Variants in GRIN2A observed in about 807,000 individuals in gnomAD.
GRIN2A encodes the protein glutamate ionotropic receptor NMDA type subunit 2A.
GRIN2A carries 22 observed loss-of-function variants against 113.4 expected under a neutral mutation model. That is an observed-to-expected ratio of 0.19 (90% CI 0.14 to 0.28). GRIN2A has a LOEUF of 0.28. Among genes scored for constraint, GRIN2A ranks in the 10% least tolerant of loss-of-function variants. The pLI, the probability that GRIN2A is intolerant of heterozygous loss-of-function variation, is 1.00. For missense variants in GRIN2A, 1,502 were observed against 1,887.0 expected, an observed-to-expected ratio of 0.80 and a Z score of 3.78; for synonymous variants, 827 against 738.4, an observed-to-expected ratio of 1.12 and a Z score of -1.94.
At chr16:9,892,000 A>AG (rs1238282681) in intron 3 of GRIN2A, among the ~76,000 whole-genome samples, 5 of 152,130 alleles carry the variant, frequency 3.3e-5, no homozygotes, top group African/African-American at 1.2e-4. Flanking sequence ...AGGCTGAGGT[A>AG]GGGGAATCAC....
chr16:9,977,453 A>G (rs1000424796), intron 2 of GRIN2A, among the ~76,000 whole-genome samples: 3 of 152,218 alleles, frequency 2.0e-5, no homozygotes, highest in Non-Finnish European at 2.9e-5. Flanking sequence ...AAATGAGATA[A>G]TTATAATTAA....
At chr16:9,863,089 G>C (rs1385944662) in intron 4 of GRIN2A, among the ~76,000 whole-genome samples, 1 of 152,132 alleles carries the variant, frequency 6.6e-6, no homozygotes, top group Non-Finnish European at 1.5e-5. Flanking sequence ...AGAAGACCTG[G>C]AATCTGAGCT....
chr16:10,135,158 G>A (rs1237914418), intron 2 of GRIN2A, among the ~76,000 whole-genome samples: 1 of 152,138 alleles, frequency 6.6e-6, no homozygotes, highest in Non-Finnish European at 1.5e-5. Context: ...ACTTTACCAA[G>A]TTCATTGCTT....
In GRIN2A at chr16:9,891,073, G is replaced by A; in HGVS notation, c.1035C>T (p.Gly345=). Residue 345 remains glycine, a synonymous_variant, in exon 4 of 13, where the codon GGC becomes GGT. Transcript: ENST00000330684. The part of the protein sequence containing the change: ...HPFMVNVTWD[G]KDLSFTEEGY... ...CTTCCTCAGTGAAGGATAAGTCTTT[G>A]CCATCCCATGTAACATTGACCATAA... 1 of 1,611,406 alleles carries A rather than the reference G, an allele frequency of 6.2e-7. No homozygotes were observed. Among genetic ancestry groups the A allele is most frequent in the South Asian group, 1.1e-5 (1 of 91,020 alleles).
At chr16:10,029,445 C>T (rs1276229158) in intron 2 of GRIN2A, among the ~76,000 whole-genome samples, 5 of 152,226 alleles carry the variant, frequency 3.3e-5, no homozygotes, top group South Asian at 2.1e-4. Flanking sequence ...CCTCCCGCCT[C>T]GGCCTCCCGA....
intron 10 of GRIN2A, among the ~76,000 whole-genome samples, chr16:9,807,916 C>T (rs761434129): frequency 3.3e-5 from 5 of 152,186 alleles, no homozygotes; most frequent in South Asian, 2.1e-4. Flanking sequence ...TGAATGAAGT[C>T]CCAGCCATGA....
chr16:9,758,671 T>G lies in GRIN2A; in HGVS notation c.*4478A>C. Reference sequence around the variant, plus strand: ...AGTTGTATTCACAGGATAAGTGCATTTGATCATCTCTGATCTATATCAAGT... The same window carrying G: ...AGTTGTATTCACAGGATAAGTGCATGTGATCATCTCTGATCTATATCAAGT... On this transcript the variant is annotated 3_prime_UTR_variant, in exon 13 of 13. Transcript: ENST00000330684. 4.6e-6 allele frequency: 1 copy of G among 215,296 alleles called. No homozygotes were observed. Among genetic ancestry groups the G allele is most frequent in the Non-Finnish European group, 9.4e-6 (1 of 106,590 alleles). 13.3% of individuals were successfully genotyped at this position (215,296 alleles called of 1,614,324 possible).
At chr16:9,773,765 A>C (rs184763474) in intron 11 of GRIN2A, among the ~76,000 whole-genome samples, 201 of 152,272 alleles carry the variant, frequency 1.3e-3, no homozygotes, top group Non-Finnish European at 2.6e-3. Context: ...TTTTCAGGGG[A>C]GATGTTTCCA....
At chr16:10,036,280 G>T (rs2047023141) in intron 2 of GRIN2A, among the ~76,000 whole-genome samples, 1 of 151,914 alleles carries the variant, frequency 6.6e-6, no homozygotes, top group African/African-American at 2.4e-5. Context: ...CATAGTTCTG[G>T]AGGCTGAAAG....
intron 5 of GRIN2A, among the ~76,000 whole-genome samples, chr16:9,842,663 G>A (rs1046681475): frequency 1.3e-5 from 2 of 152,236 alleles, no homozygotes; most frequent in African/African-American, 4.8e-5. Context: ...TAGGACAGGT[G>A]CAGTGGCTCA....
At chr16:10,156,900 G>C (rs776602744) in intron 2 of GRIN2A, among the ~76,000 whole-genome samples, 5 of 152,186 alleles carry the variant, frequency 3.3e-5, no homozygotes, top group Middle Eastern at 3.2e-3. Flanking sequence ...GATGGAGCTA[G>C]AACTATGGGC....
chr16:10,138,281 G>C (rs1045190664), intron 2 of GRIN2A, among the ~76,000 whole-genome samples: 3 of 152,106 alleles, frequency 2.0e-5, no homozygotes, highest in African/African-American at 7.2e-5. Context: ...AGACTGTATT[G>C]GTTCATTTTC....
chr16:10,059,960 G>A (rs1303092206), intron 2 of GRIN2A, among the ~76,000 whole-genome samples: 1 of 146,956 alleles, frequency 6.8e-6, no homozygotes, highest in Non-Finnish European at 1.5e-5. Flanking sequence ...TAATATCCTA[G>A]GGATGGAGGA....
intron 11 of GRIN2A, among the ~76,000 whole-genome samples, chr16:9,783,367 G>A (rs1902039934): frequency 6.6e-6 from 1 of 152,204 alleles, no homozygotes; most frequent in East Asian, 1.9e-4. Flanking sequence ...TTACCCAAAT[G>A]TGGGGTTTTC....
At chr16:9,969,410 C>T (rs772919512) in intron 2 of GRIN2A, among the ~76,000 whole-genome samples, 1 of 152,168 alleles carries the variant, frequency 6.6e-6, no homozygotes, top group Non-Finnish European at 1.5e-5. Context: ...TGTGTTGCAT[C>T]CATTGTTCCT....
intron 2 of GRIN2A, chr16:10,112,901 G>A (rs533259033): frequency 6.6e-5 from 30 of 452,418 alleles, no homozygotes; most frequent in East Asian, 1.1e-4. Context: ...AGTGGAGGAT[G>A]AGGTGGTGGA....
intron 2 of GRIN2A, among the ~76,000 whole-genome samples, chr16:10,080,598 G>T (rs1019303849): frequency 6.6e-6 from 1 of 152,192 alleles, no homozygotes; most frequent in Non-Finnish European, 1.5e-5. Flanking sequence ...GAGGCTGAAG[G>T]CTTGATGGAT....
intron 2 of GRIN2A, among the ~76,000 whole-genome samples, chr16:10,045,063 T>A (rs539687687): frequency 1.3e-5 from 2 of 152,326 alleles, no homozygotes; most frequent in Non-Finnish European, 1.5e-5. Context: ...TTCAAAATAT[T>A]CTTTTGAAAA....
At chr16:10,088,682 C>A (rs139800641) in intron 2 of GRIN2A, among the ~76,000 whole-genome samples, 51 of 152,304 alleles carry the variant, frequency 3.3e-4, no homozygotes, top group Non-Finnish European at 6.5e-4. Flanking sequence ...TGGCTCCCAC[C>A]CACTCGGCTG....
Sources: allele counts gnomAD v4.1 joint callset (sites outside exome capture counted in the v4.1 genomes callset), GRCh38; gene constraint gnomAD v4.1.1; transcripts MANE v1.5; gene names NCBI Gene and HGNC (gene_info 2026-07-23, HGNC 2026-07-21).